Variants in FOXP1 observed in about 807,000 individuals in gnomAD.
FOXP1 encodes forkhead box protein P1.
Under a neutral mutation model 98.2 loss-of-function variants are expected in FOXP1, and 15 were observed. The ratio of observed to expected loss-of-function variants is 0.15; its 90% CI spans 0.10 to 0.24. FOXP1 has a LOEUF of 0.24. Among genes scored for constraint, FOXP1 ranks in the 10% least tolerant of loss-of-function variants. The probability of loss-of-function intolerance (pLI) is 1.00; values close to 1 mark genes in which losing one functional copy is unlikely to be tolerated. For missense variants in FOXP1, 633 were observed against 848.5 expected, an observed-to-expected ratio of 0.75 and a Z score of 3.15; for synonymous variants, 371 against 314.5, an observed-to-expected ratio of 1.18 and a Z score of -1.90.
intron 2 of FOXP1, among the ~76,000 whole-genome samples, chr3:71,506,213 C>T (rs1482661724): frequency 6.6e-6 from 1 of 152,144 alleles, no homozygotes; most frequent in Non-Finnish European, 1.5e-5. Flanking sequence ...GAGTTGGCTG[C>T]CTGGGGTCCG....
chr3:71,090,267 T>A (rs1575621080), intron 7 of FOXP1, among the ~76,000 whole-genome samples: 1 of 152,206 alleles, frequency 6.6e-6, no homozygotes, highest in African/African-American at 2.4e-5. Context: ...TTCTTGGATA[T>A]TCCCATGTTT....
chr3:71,101,505 G>A (rs535250946), intron 7 of FOXP1, among the ~76,000 whole-genome samples: 1 of 151,930 alleles, frequency 6.6e-6, no homozygotes, highest in South Asian at 2.1e-4. Context: ...TTTAAATGAT[G>A]GCATTTTCCA....
At chr3:71,216,113 C>T (rs2064894845) in intron 5 of FOXP1, among the ~76,000 whole-genome samples, 1 of 151,578 alleles carries the variant, frequency 6.6e-6, no homozygotes, top group Non-Finnish European at 1.5e-5. Context: ...GGGCTCCTAA[C>T]CAAATCCCCA....
intron 3 of FOXP1, among the ~76,000 whole-genome samples, chr3:71,427,269 T>C (rs2084247689): frequency 1.3e-5 from 2 of 152,024 alleles, no homozygotes; most frequent in African/African-American, 4.8e-5. Context: ...GGCTGCAGAA[T>C]ACATGAATGA....
chr3:71,328,946 G>A (rs183869953), intron 4 of FOXP1, among the ~76,000 whole-genome samples: 338 of 133,416 alleles, frequency 2.5e-3, no homozygotes, highest in African/African-American at 8.4e-3. Context: ...ACTCCAGCCC[G>A]GGCAACAAGA....
intron 4 of FOXP1, among the ~76,000 whole-genome samples, chr3:71,316,286 C>A (rs1037021894): frequency 6.6e-6 from 1 of 152,190 alleles, no homozygotes; most frequent in Non-Finnish European, 1.5e-5. Context: ...TTGACCAGAA[C>A]CTTGGACTTT....
chr3:71,371,898 C>A (rs1294496723), intron 3 of FOXP1, among the ~76,000 whole-genome samples: 1 of 152,166 alleles, frequency 6.6e-6, no homozygotes, highest in African/African-American at 2.4e-5. Flanking sequence ...TCTTTCTGAC[C>A]CCACACCACA....
chr3:71,063,974 G>A (rs1456016095), intron 7 of FOXP1, among the ~76,000 whole-genome samples: 4 of 152,112 alleles, frequency 2.6e-5, no homozygotes, highest in Non-Finnish European at 5.9e-5. Flanking sequence ...TCCACTGACC[G>A]TCCTTCATGC....
At chr3:71,581,731 C>T in intron 1 of FOXP1, 34 bp from the exon 2 acceptor site, 2 of 985,726 alleles carry the variant, frequency 2.0e-6, no homozygotes, top group Non-Finnish European at 2.4e-6. Context: ...CGACCCTCAG[C>T]AAGTCTTCCC....
intron 5 of FOXP1, among the ~76,000 whole-genome samples, chr3:71,213,758 G>A (rs1297626786): frequency 1.3e-5 from 2 of 152,176 alleles, no homozygotes; most frequent in East Asian, 3.9e-4. Flanking sequence ...GGAGGTTGCA[G>A]TCAGCCAAGA....
chr3:71,184,614 A>G (rs959610870), intron 6 of FOXP1, among the ~76,000 whole-genome samples: 6 of 152,228 alleles, frequency 3.9e-5, no homozygotes, highest in Admixed American at 2.0e-4. Flanking sequence ...GCATTCTTCC[A>G]AAAGAGGAAC....
At chr3:71,554,353 T>C (rs2107687552) in intron 2 of FOXP1, among the ~76,000 whole-genome samples, 1 of 152,256 alleles carries the variant, frequency 6.6e-6, no homozygotes, top group East Asian at 1.9e-4. Context: ...ACTCTGTCTC[T>C]TTAACAAATT....
At chr3:71,179,938 G>C (rs985803523) in intron 6 of FOXP1, among the ~76,000 whole-genome samples, 9 of 152,118 alleles carry the variant, frequency 5.9e-5, no homozygotes, top group Non-Finnish European at 1.0e-4. Flanking sequence ...TTGCACCCAA[G>C]CATTACACAG....
chr3:71,509,688 C>T (rs543327336), intron 2 of FOXP1, among the ~76,000 whole-genome samples: 27 of 152,224 alleles, frequency 1.8e-4, no homozygotes, highest in Admixed American at 2.0e-4. Context: ...TCAAGACCAG[C>T]CTGGGCAACA....
chr3:71,059,856 T>G (rs2051229301), intron 7 of FOXP1, among the ~76,000 whole-genome samples: 1 of 152,046 alleles, frequency 6.6e-6, no homozygotes, highest in African/African-American at 2.4e-5. Context: ...CTAAATAAGT[T>G]CTCTTAAATT....
At chr3:71,275,421 G>A (rs140822033) in intron 5 of FOXP1, among the ~76,000 whole-genome samples, 18 of 152,244 alleles carry the variant, frequency 1.2e-4, no homozygotes, top group African/African-American at 3.9e-4. Flanking sequence ...AGTAACAGTC[G>A]CTTTTCCTTA....
At chr3:71,023,487 G>A (rs1431819998) in intron 11 of FOXP1, among the ~76,000 whole-genome samples, 1 of 152,106 alleles carries the variant, frequency 6.6e-6, no homozygotes, top group Non-Finnish European at 1.5e-5. Context: ...CTACACTTAC[G>A]CTACAATGGC....
intron 3 of FOXP1, among the ~76,000 whole-genome samples, chr3:71,372,038 A>T: frequency 6.8e-6 from 1 of 146,318 alleles, no homozygotes; most frequent in African/African-American, 2.5e-5. Flanking sequence ...TTTGAGATGG[A>T]GTCTTGCTCT....
rs537702566 is a variant in FOXP1 at position 70,963,767 on chromosome 3, G to C, written c.1889+2123C>G. Among the ~76,000 whole-genome samples the C allele has an allele frequency of 4.8e-4, 73 of 152,284 alleles. 1 individual carries two copies. The highest frequency in any genetic ancestry group is 1.7e-3 in the African/African-American group (70 of 41,546). ...TTTGTAGCTCCTTTAGCGCCTATCA[G>C]GATAAAAGTAGAATGCCCCAAAGCC... On this transcript the variant is annotated intron_variant, in intron 20 of 20. Coordinates refer to ENST00000649528, the MANE Select transcript of FOXP1 (RefSeq NM_001349338.3).
Sources: allele counts gnomAD v4.1 joint callset (sites outside exome capture counted in the v4.1 genomes callset), GRCh38; gene constraint gnomAD v4.1.1; transcripts MANE v1.5; gene names NCBI Gene and HGNC (gene_info 2026-07-23, HGNC 2026-07-21).